The following FAM184B variants were observed in gnomAD, a reference collection of about 807,000 sequenced individuals.
The protein encoded by FAM184B is family with sequence similarity 184 member B, also known as protein FAM184B.
Under a neutral mutation model 135.9 loss-of-function variants are expected in FAM184B, and 111 were observed. The ratio of observed to expected loss-of-function variants is 0.82; its 90% CI spans 0.70 to 0.96. The LOEUF (loss-of-function observed/expected upper bound fraction) is 0.96, where lower values mean the gene tolerates loss of function less well. Ranked by LOEUF, FAM184B falls within the 40% of genes least tolerant of loss-of-function variation. FAM184B has a pLI of 0.00. For synonymous variants in FAM184B, 552 were observed against 524.8 expected (o/e 1.05, Z -0.71); for missense variants, 1,375 against 1,323.9 (o/e 1.04, Z -0.60).
chr4:17,692,403 A>G (rs1716759929), intron 6 of FAM184B, among the ~76,000 whole-genome samples: 1 of 152,210 alleles, frequency 6.6e-6, no homozygotes. Flanking sequence ...ATCATTTTTT[A>G]AAATAATGAT....
intron 1 of FAM184B, among the ~76,000 whole-genome samples, chr4:17,729,795 T>C (rs1717732455): frequency 6.6e-6 from 1 of 151,910 alleles, no homozygotes; most frequent in Non-Finnish European, 1.5e-5. Context: ...CAAAAGTAGA[T>C]AAAACCACAA....
At chr4:17,731,447 G>A (rs1221167077) in intron 1 of FAM184B, among the ~76,000 whole-genome samples, 1 of 152,116 alleles carries the variant, frequency 6.6e-6, no homozygotes, top group Non-Finnish European at 1.5e-5. Context: ...CACGTGCAGA[G>A]ACACACATAG....
intron 11 of FAM184B, among the ~76,000 whole-genome samples, chr4:17,651,059 C>T (rs530029337): frequency 2.0e-5 from 3 of 152,180 alleles, no homozygotes; most frequent in Non-Finnish European, 4.4e-5. Flanking sequence ...TAAGGAGAGC[C>T]CTGTCTAGGT....
intron 8 of FAM184B, 135 bp downstream of exon 8, chr4:17,664,427 T>C (rs1577252572): frequency 3.1e-6 from 2 of 652,726 alleles, no homozygotes; most frequent in Non-Finnish European, 5.2e-6. Context: ...ATACAAGATA[T>C]GCTTGTTGCC....
At position 17,699,548 on chromosome 4, in the gene FAM184B, G is replaced by A. The variant is rs567930426; in HGVS notation, c.1377+5452C>T. On this transcript the variant is annotated intron_variant, in intron 5 of 17. Coordinates refer to ENST00000265018, the MANE Select transcript of FAM184B (RefSeq NM_015688.2). Reference sequence around the variant, plus strand: ...AAATGCAAACCAAAAGATACTGAATGACATCTTTAAAGTGTTGAAAGAAAA... The same window carrying A: ...AAATGCAAACCAAAAGATACTGAATAACATCTTTAAAGTGTTGAAAGAAAA... Among the ~76,000 whole-genome samples, 16 of 152,152 alleles carry A rather than the reference G, an allele frequency of 1.1e-4. No homozygotes were observed. In the South Asian group the frequency reaches 3.3e-3, roughly 32 times the overall value.
At chr4:17,765,191 T>C (rs1718633030) in intron 1 of FAM184B, among the ~76,000 whole-genome samples, 1 of 152,236 alleles carries the variant, frequency 6.6e-6, no homozygotes. Context: ...GCAAGCTTTG[T>C]AGTTACCGAG....
At chr4:17,637,003 G>A (rs1000823518) in intron 14 of FAM184B, among the ~76,000 whole-genome samples, 5 of 152,184 alleles carry the variant, frequency 3.3e-5, no homozygotes, top group Non-Finnish European at 7.3e-5. Flanking sequence ...GACATAGAGC[G>A]CGGCCAGTGG....
At chr4:17,665,904 C>CG (rs367991653) in intron 7 of FAM184B, among the ~76,000 whole-genome samples, 3 of 151,986 alleles carry the variant, frequency 2.0e-5, no homozygotes, top group Non-Finnish European at 2.9e-5. Flanking sequence ...CCCCGCCCCC[C>CG]AGTTGCTGCT....
At chr4:17,754,962 C>T (rs1443277050) in intron 1 of FAM184B, among the ~76,000 whole-genome samples, 17 of 152,030 alleles carry the variant, frequency 1.1e-4, no homozygotes, top group Admixed American at 1.1e-3. Context: ...CAGCCTCAAC[C>T]TCCTGGGTTA....
intron 8 of FAM184B, among the ~76,000 whole-genome samples, chr4:17,662,574 G>C (rs538576881): frequency 6.6e-6 from 1 of 152,184 alleles, no homozygotes; most frequent in African/African-American, 2.4e-5. Flanking sequence ...CTGTCCTCAG[G>C]TGATCCACCG....
chr4:17,638,217 C>G (rs1406094425), intron 14 of FAM184B, among the ~76,000 whole-genome samples: 3 of 128,690 alleles, frequency 2.3e-5, no homozygotes, highest in Non-Finnish European at 4.7e-5. Context: ...GACAGAGTTT[C>G]TCTCTCTGTA....
intron 1 of FAM184B, among the ~76,000 whole-genome samples, chr4:17,719,272 A>C (rs1717466383): frequency 3.9e-5 from 6 of 152,216 alleles, no homozygotes; most frequent in Admixed American, 3.9e-4. Flanking sequence ...CTAGTGACTA[A>C]TGGGCAGGTA....
Position 17,629,868 on chromosome 4 carries a change from C to G in FAM184B, c.*2664G>C, listed in dbSNP as rs1365240427. On this transcript the variant is annotated 3_prime_UTR_variant, in exon 18 of 18. Transcript: ENST00000265018. ...TGGTAAGGGTGTAAATTGTTAGAAA[C>G]TTTCTGAATGGCAGTTTGGTAATAA... 1 of 152,166 alleles carries G rather than the reference C, an allele frequency of 6.6e-6. No individual in the cohort carries two copies. The highest frequency in any genetic ancestry group is 1.5e-5 in the Non-Finnish European group (1 of 68,028). 9.4% of individuals were successfully genotyped at this position (152,166 alleles called of 1,614,324 possible).
chr4:17,701,643 T>A (rs1716987340), intron 5 of FAM184B, among the ~76,000 whole-genome samples: 1 of 152,132 alleles, frequency 6.6e-6, no homozygotes, highest in African/African-American at 2.4e-5. Flanking sequence ...GGCGCACCTA[T>A]CCTGGATTGC....
intron 10 of FAM184B, among the ~76,000 whole-genome samples, chr4:17,654,912 C>T (rs113300606): frequency 0.016 from 2,504 of 152,282 alleles, 66 homozygotes; most frequent in African/African-American, 0.057. Context: ...AGTGCAGCGG[C>T]GCAATCATGG....
At chr4:17,649,902 ATCTG>A (rs1715566561) in intron 11 of FAM184B, among the ~76,000 whole-genome samples, 1 of 141,292 alleles carries the variant, frequency 7.1e-6, no homozygotes, top group African/African-American at 2.5e-5. Flanking sequence ...CTGTCTACCC[ATCTG>A]TCCATCCATT....
intron 13 of FAM184B, among the ~76,000 whole-genome samples, chr4:17,641,671 T>TTTTTTTTTTTTTTTC (rs1715320344): frequency 7.7e-6 from 1 of 129,966 alleles, no homozygotes; most frequent in Admixed American, 7.9e-5. Context: ...TTTTTTTTTT[T>TTTTTTTTTTTTTTTC]GTATTTTTAG....
intron 1 of FAM184B, among the ~76,000 whole-genome samples, chr4:17,723,623 C>A (rs1427578238): frequency 6.6e-6 from 1 of 152,144 alleles, no homozygotes; most frequent in African/African-American, 2.4e-5. Context: ...TCAGTAGCGT[C>A]TGTATACAGT....
At chr4:17,734,545 G>T (rs1717862312) in intron 1 of FAM184B, among the ~76,000 whole-genome samples, 3 of 152,074 alleles carry the variant, frequency 2.0e-5, no homozygotes, top group Admixed American at 1.3e-4. Context: ...CTTCTCAAAA[G>T]AAGACATTTA....
Sources: allele counts gnomAD v4.1 joint callset (sites outside exome capture counted in the v4.1 genomes callset), GRCh38; gene constraint gnomAD v4.1.1; transcripts MANE v1.5; gene names NCBI Gene and HGNC (gene_info 2026-07-23, HGNC 2026-07-21).